The following IDE variants were observed in gnomAD, a reference collection of about 807,000 sequenced individuals.
The protein encoded by IDE is insulin-degrading enzyme.
A neutral mutation model predicts 133.2 loss-of-function variants in IDE; 58 were observed. The observed-to-expected ratio is 0.44, with a 90% CI of 0.35 to 0.54. The LOEUF (loss-of-function observed/expected upper bound fraction) is 0.54. Among genes scored for constraint, IDE ranks in the 20% least tolerant of loss-of-function variants. The pLI is 0.00. For missense variants in IDE, 981 were observed against 1,234.0 expected (o/e 0.79, Z 3.07); for synonymous variants, 396 against 421.3 (o/e 0.94, Z 0.73).
intron 11 of IDE, among the ~76,000 whole-genome samples, chr10:92,499,537 A>T (rs1847897435): frequency 6.6e-6 from 1 of 152,022 alleles, no homozygotes. Context: ...GGCTCAAGTG[A>T]TCCTTCTGCC....
At chr10:92,518,585 G>T (rs1023186694) in intron 4 of IDE, among the ~76,000 whole-genome samples, 11 of 152,170 alleles carry the variant, frequency 7.2e-5, no homozygotes, top group African/African-American at 2.4e-4. Flanking sequence ...CTGGATATAT[G>T]TATCCAGAGA....
At chr10:92,488,315 G>A (rs748738684) in intron 12 of IDE, among the ~76,000 whole-genome samples, 21 of 151,984 alleles carry the variant, frequency 1.4e-4, no homozygotes, top group African/African-American at 4.8e-4. Flanking sequence ...TATTGCCCAC[G>A]CTGGTGTCAA....
At position 92,470,273 on chromosome 10, in the gene IDE, T is replaced by C; in HGVS notation, c.2189A>G (p.His730Arg). Residue 730 changes from histidine to arginine, a missense_variant, in exon 18 of 25, where the codon CAT (histidine) becomes CGT (arginine). Physicochemically the swap from His to Arg is conservative, Grantham distance 29 (BLOSUM62 0). Coordinates refer to ENST00000265986, the MANE Select transcript of IDE (RefSeq NM_004969.4). ...ACCCACCTGCTTTGTTATGTTTCCA[T>C]GGAGAAGGGCTTCAATGTGCAGCCG... Reference protein sequence around the residue: ...LSRLHIEALLHGNITKQAALG... With the variant: ...LSRLHIEALLRGNITKQAALG... 1 of 1,605,040 alleles carries C rather than the reference T, an allele frequency of 6.2e-7. No individual in the cohort carries two copies. Among genetic ancestry groups the C allele is most frequent in the Non-Finnish European group, 8.5e-7 (1 of 1,175,392 alleles).
At chr10:92,474,041 A>C (rs2135388603) in intron 17 of IDE, among the ~76,000 whole-genome samples, 1 of 152,078 alleles carries the variant, frequency 6.6e-6, no homozygotes, top group South Asian at 2.1e-4. Flanking sequence ...CTTGGGTCAG[A>C]GCATTTAGTC....
Position 92,510,788 on chromosome 10 carries a change from C to CGTAT in IDE, c.785-627_785-626insATAC, listed in dbSNP as rs1554841894. ...TATGATATATAGCACATACATCTCACATGATATATAGCACATACATATCAC... is the reference window on the plus strand; with the variant it reads ...TATGATATATAGCACATACATCTCACGTATATGATATATAGCACATACATATCAC... On this transcript the variant is annotated intron_variant, in intron 5 of 24. Coordinates refer to ENST00000265986, the MANE Select transcript of IDE (RefSeq NM_004969.4). 2.7e-5 allele frequency among the ~76,000 whole-genome samples: 4 copies of CGTAT among 148,182 alleles called. 1 individual carries two copies. The East Asian group carries it at 7.9e-4, about 29-fold the overall frequency.
At chr10:92,541,451 T>C (rs1345291016) in intron 1 of IDE, 3 of 249,510 alleles carry the variant, frequency 1.2e-5, no homozygotes, top group Non-Finnish European at 2.6e-5. Flanking sequence ...ATTTTATTTA[T>C]GGCAAATGTT....
intron 4 of IDE, among the ~76,000 whole-genome samples, chr10:92,516,013 T>C (rs1191489664): frequency 6.7e-6 from 1 of 149,992 alleles, no homozygotes; most frequent in East Asian, 2.0e-4. Context: ...CTACTAAAAA[T>C]ACAAAATTAG....
chr10:92,459,824 C>CTTTT (rs901315055), intron 22 of IDE, among the ~76,000 whole-genome samples: 74 of 92,784 alleles, frequency 8.0e-4, no homozygotes, highest in African/African-American at 1.5e-3. Context: ...GTGTGAACCT[C>CTTTT]TTTTTTTTTT....
chr10:92,557,837 T>C (rs922845920), intron 1 of IDE, among the ~76,000 whole-genome samples: 6 of 131,316 alleles, frequency 4.6e-5, no homozygotes, highest in Admixed American at 3.6e-4. Context: ...TTGCAGTCAC[T>C]GCACTACAAC....
At position 92,471,767 on chromosome 10, in the gene IDE, T is replaced by C. The variant is rs920622760; in HGVS notation, c.2117-1422A>G. 3.3e-5 allele frequency among the ~76,000 whole-genome samples: 5 copies of C among 152,338 alleles called. No individual in the cohort carries two copies. The South Asian group carries it at 1.0e-3, about 32-fold the overall frequency. ...TCTTGCTCTGTCACCCAGGCTGAAG[T>C]GCAGTGGTGCAACCTCCGCCTCCTG... On this transcript the variant is annotated intron_variant, in intron 17 of 24. Transcript: ENST00000265986.
At chr10:92,523,398 G>T (rs1040613959) in intron 4 of IDE, among the ~76,000 whole-genome samples, 1 of 151,596 alleles carries the variant, frequency 6.6e-6, no homozygotes, top group Non-Finnish European at 1.5e-5. Flanking sequence ...GAAAAGAAAA[G>T]AAAGAAATTT....
At chr10:92,464,959 C>T (rs1323068991) in intron 20 of IDE, among the ~76,000 whole-genome samples, 1 of 152,178 alleles carries the variant, frequency 6.6e-6, no homozygotes. Flanking sequence ...CGTGAGCCAC[C>T]GTGCCCGGCC....
At chr10:92,562,084 C>T (rs1458620196) in intron 1 of IDE, among the ~76,000 whole-genome samples, 1 of 152,154 alleles carries the variant, frequency 6.6e-6, no homozygotes. Context: ...CTAATTGCTG[C>T]CAGGCAGGAA....
At chr10:92,520,477 G>C (rs2135592577) in intron 4 of IDE, among the ~76,000 whole-genome samples, 1 of 152,284 alleles carries the variant, frequency 6.6e-6, no homozygotes. Context: ...TGTTCTCAGG[G>C]AAAGGTCAAC....
chr10:92,538,236 G>A (rs150367405), intron 1 of IDE, among the ~76,000 whole-genome samples: 2 of 152,294 alleles, frequency 1.3e-5, no homozygotes, highest in East Asian at 3.9e-4. Context: ...GAGGTGAGAT[G>A]TTGTGTAAGA....
chr10:92,552,445 T>C (rs1038314637), intron 1 of IDE, among the ~76,000 whole-genome samples: 4 of 152,040 alleles, frequency 2.6e-5, no homozygotes, highest in African/African-American at 7.2e-5. Context: ...CAAAAAGACA[T>C]AGAAATATAA....
intron 5 of IDE, among the ~76,000 whole-genome samples, chr10:92,513,235 C>T (rs1041618223): frequency 6.6e-6 from 1 of 152,120 alleles, no homozygotes; most frequent in African/African-American, 2.4e-5. Context: ...CTCTGTTGCC[C>T]AGGCTGGAGT....
chr10:92,511,615 T>C (rs1848634885), intron 5 of IDE, among the ~76,000 whole-genome samples: 1 of 152,176 alleles, frequency 6.6e-6, no homozygotes, highest in East Asian at 1.9e-4. Context: ...GCTGCCTTTA[T>C]ATGGTGTAAA....
rs1195807137 is a variant in IDE, at chr10:92,453,647, AAATATGTTGTGTTAAAGC to A, written c.*779_*796del. Reference sequence around the variant, plus strand: ...TTGACCCTATTTGTACGTGTTAAATAAATATGTTGTGTTAAAGCAATATGTTGATGAGGAAAAGTAAAA... The same window carrying A: ...TTGACCCTATTTGTACGTGTTAAATAAATATGTTGATGAGGAAAAGTAAAA... On this transcript the variant is annotated 3_prime_UTR_variant, in exon 25 of 25. Coordinates refer to ENST00000265986, the MANE Select transcript of IDE (RefSeq NM_004969.4). 1 of 152,220 alleles carries A rather than the reference AAATATGTTGTGTTAAAGC, an allele frequency of 6.6e-6. No homozygotes were observed. Among genetic ancestry groups the A allele is most frequent in the East Asian group, 1.9e-4 (1 of 5,202 alleles). 9.4% of individuals were successfully genotyped at this position (152,220 alleles called of 1,614,324 possible). A position where few individuals can be genotyped will look rare whatever the true frequency, so the allele number is the denominator to read the frequency against.
Sources: allele counts gnomAD v4.1 joint callset (sites outside exome capture counted in the v4.1 genomes callset), GRCh38; gene constraint gnomAD v4.1.1; transcripts MANE v1.5; gene names NCBI Gene and HGNC (gene_info 2026-07-23, HGNC 2026-07-21).